The following BTBD9 variants were observed in gnomAD, a reference collection of about 807,000 sequenced individuals.
BTBD9 encodes BTB/POZ domain-containing protein 9.
In BTBD9, 49 loss-of-function variants were observed where a neutral mutation model predicts 64.3. That is an observed-to-expected ratio of 0.76 (90% CI 0.61 to 0.97). The LOEUF is 0.97. Ranked by LOEUF, BTBD9 falls within the 50% of genes least tolerant of loss-of-function variation. The probability of loss-of-function intolerance (pLI) is 0.00; values close to 1 mark genes in which losing one functional copy is unlikely to be tolerated. For synonymous variants in BTBD9, 260 were observed against 274.7 expected (o/e 0.95, Z 0.53); for missense variants, 598 against 762.1 (o/e 0.78, Z 2.53).
intron 6 of BTBD9, among the ~76,000 whole-genome samples, chr6:38,423,108 T>C (rs1472827308): frequency 6.6e-6 from 1 of 151,854 alleles, no homozygotes; most frequent in Non-Finnish European, 1.5e-5. Context: ...CTACTAAAAA[T>C]ACAAAAATTA....
At chr6:38,267,563 AC>A (rs1645080820) in intron 8 of BTBD9, among the ~76,000 whole-genome samples, 1 of 152,192 alleles carries the variant, frequency 6.6e-6, no homozygotes, top group African/African-American at 2.4e-5. Context: ...TCATGCTTCT[AC>A]AGTGCAGGGA....
intron 9 of BTBD9, among the ~76,000 whole-genome samples, chr6:38,244,531 C>G (rs1015487562): frequency 6.6e-6 from 1 of 151,944 alleles, no homozygotes; most frequent in Non-Finnish European, 1.5e-5. Flanking sequence ...GAAACATTAA[C>G]CAGACGAACT....
chr6:38,292,597 AT>A (rs1762003130), intron 7 of BTBD9, among the ~76,000 whole-genome samples: 1 of 151,872 alleles, frequency 6.6e-6, no homozygotes, highest in Non-Finnish European at 1.5e-5. Flanking sequence ...TTTCTACTTT[AT>A]TTGCTTAGAG....
At chr6:38,308,594 C>T (rs1236491567) in intron 7 of BTBD9, among the ~76,000 whole-genome samples, 2 of 151,976 alleles carry the variant, frequency 1.3e-5, no homozygotes, top group African/African-American at 2.4e-5. Context: ...TTAAAATCAA[C>T]AGAGTTTTGT....
chr6:38,189,973 CTTTTTT>C (rs55886750), intron 10 of BTBD9, among the ~76,000 whole-genome samples: 1 of 135,506 alleles, frequency 7.4e-6, no homozygotes. Context: ...CAGGCCCAGC[CTTTTTT>C]TTTTTTTTTT....
rs531156626 is a variant in BTBD9, at chr6:38,184,672, G to A, written c.1641+7847C>T. Among the ~76,000 whole-genome samples, 32 of 152,286 alleles carry A rather than the reference G, an allele frequency of 2.1e-4. No homozygotes were observed. The highest frequency in any genetic ancestry group is 4.2e-4 in the South Asian group (2 of 4,812). ...CGATGGTCCTCTGGAGGATGCTGCC[G>A]GGGAAATCCTCGGGGGGCCAGAGAG... On this transcript the variant is annotated intron_variant, in intron 10 of 10. Transcript: ENST00000481247. This position sits in a 1 kb window ranked among gnomAD's most constrained non-coding sequence, Gnocchi z 4.4.
intron 1 of BTBD9, among the ~76,000 whole-genome samples, chr6:38,608,977 C>CA (rs1397710915): frequency 6.6e-6 from 1 of 152,138 alleles, no homozygotes; most frequent in Non-Finnish European, 1.5e-5. Context: ...CAAGTATCTC[C>CA]ATGCAGTCTA....
At chr6:38,282,299 C>T (rs557294803) in intron 8 of BTBD9, among the ~76,000 whole-genome samples, 15 of 152,122 alleles carry the variant, frequency 9.9e-5, no homozygotes, top group South Asian at 2.1e-4. Context: ...AAATAAAATG[C>T]GTAACTTTTG....
chr6:38,441,061 C>A (rs1363224990), intron 6 of BTBD9, among the ~76,000 whole-genome samples: 1 of 152,308 alleles, frequency 6.6e-6, no homozygotes, highest in Admixed American at 6.5e-5. Flanking sequence ...AAGAGAATCA[C>A]AACCCCAAGG....
intron 4 of BTBD9, among the ~76,000 whole-genome samples, chr6:38,581,090 G>T (rs771686604): frequency 2.0e-5 from 3 of 152,320 alleles, no homozygotes; most frequent in Non-Finnish European, 4.4e-5. Flanking sequence ...TACTCGGGAG[G>T]CTGAGGCAGG....
At position 38,174,942 on chromosome 6, in the gene BTBD9, C is replaced by A; in HGVS notation, c.*43G>T. 1 of 1,604,402 alleles carries A rather than the reference C, an allele frequency of 6.2e-7. No homozygotes were observed. ...GCTCAGGGAGGAGACCGTTTCCTGC[C>A]GTTGCCCGAGCCCACCAAGTCACAC... is the stretch of plus-strand genomic sequence containing the variant. On this transcript the variant is annotated 3_prime_UTR_variant, in exon 11 of 11. Transcript: ENST00000481247.
chr6:38,316,452 G>A (rs1474630637), intron 7 of BTBD9, among the ~76,000 whole-genome samples: 1 of 151,792 alleles, frequency 6.6e-6, no homozygotes, highest in Non-Finnish European at 1.5e-5. Context: ...TTTATTTTTT[G>A]TATCTATTGT....
chr6:38,224,475 TG>T (rs1463449083), intron 9 of BTBD9, among the ~76,000 whole-genome samples: 1 of 152,180 alleles, frequency 6.6e-6, no homozygotes, highest in Non-Finnish European at 1.5e-5. Context: ...AGAGGACCCT[TG>T]GGGTAAAACC....
intron 9 of BTBD9, among the ~76,000 whole-genome samples, chr6:38,235,417 A>G (rs766268382): frequency 6.6e-6 from 1 of 152,212 alleles, no homozygotes; most frequent in Non-Finnish European, 1.5e-5. Context: ...CAGGGCTGAC[A>G]TGCAAACAGA....
chr6:38,594,092 T>G lies in BTBD9; in HGVS notation c.421A>C (p.Asn141His). Reference sequence around the variant, plus strand: ...GCAACATCAAAAGTCATGCAGACATTCTGAATGTTAAGTATGGTGCAGAGA... The same window carrying G: ...GCAACATCAAAAGTCATGCAGACATGCTGAATGTTAAGTATGGTGCAGAGA... ...EYLCTILNIQNVCMTFDVASL... is the reference protein window; with the variant it reads ...EYLCTILNIQHVCMTFDVASL... The change falls in exon 3 of 11, where the codon AAT becomes CAT. Residue 141 changes from asparagine (N) to histidine (H), a missense_variant. Transcript: ENST00000481247. 1 of 1,614,160 alleles carries G rather than the reference T, an allele frequency of 6.2e-7. No individual in the cohort carries two copies. Among genetic ancestry groups the G allele is most frequent in the South Asian group, 1.1e-5 (1 of 91,080 alleles).
chr6:38,235,772 T>A (rs1763757245), intron 9 of BTBD9, among the ~76,000 whole-genome samples: 1 of 152,216 alleles, frequency 6.6e-6, no homozygotes, highest in African/African-American at 2.4e-5. Context: ...TTTTCATATG[T>A]GAGTATTCAG....
intron 9 of BTBD9, among the ~76,000 whole-genome samples, chr6:38,217,365 T>G (rs1184026869): frequency 1.4e-5 from 2 of 141,596 alleles, no homozygotes; most frequent in African/African-American, 5.2e-5. Flanking sequence ...TACAACAAAG[T>G]GGTCAAACCT....
At chr6:38,346,135 TCTC>T (rs1387288658) in intron 6 of BTBD9, among the ~76,000 whole-genome samples, 3 of 152,164 alleles carry the variant, frequency 2.0e-5, no homozygotes, top group Non-Finnish European at 4.4e-5. Flanking sequence ...GTTTTAGTAA[TCTC>T]CTCCCCTCTG....
intron 6 of BTBD9, among the ~76,000 whole-genome samples, chr6:38,425,654 C>T (rs1768110231): frequency 6.6e-6 from 1 of 151,254 alleles, no homozygotes; most frequent in South Asian, 2.1e-4. Flanking sequence ...GCTTGTAATC[C>T]CAGCACTTTG....
Sources: allele counts gnomAD v4.1 joint callset (sites outside exome capture counted in the v4.1 genomes callset), GRCh38; gene constraint gnomAD v4.1.1; non-coding constraint Gnocchi (gnomAD v3.1); transcripts MANE v1.5; gene names NCBI Gene and HGNC (gene_info 2026-07-23, HGNC 2026-07-21).